The following SZT2 variants were observed in gnomAD, a reference collection of about 807,000 sequenced individuals.
The protein encoded by SZT2 is SZT2 subunit of KICSTOR complex.
In SZT2, 216 loss-of-function variants were observed where a neutral mutation model predicts 404.2. The observed-to-expected ratio is 0.53, with a 90% CI of 0.48 to 0.60. The LOEUF (loss-of-function observed/expected upper bound fraction) is 0.60. SZT2 is among the 20% of genes least tolerant of loss of function. The pLI, the probability that SZT2 is intolerant of heterozygous loss-of-function variation, is 0.00. For missense variants in SZT2, 3,857 were observed against 4,459.2 expected, an observed-to-expected ratio of 0.86 and a Z score of 3.85; for synonymous variants, 1,693 against 1,749.9, an observed-to-expected ratio of 0.97 and a Z score of 0.81.
In SZT2 at chr1:43,447,955, G is replaced by A. The variant is rs772006871; in HGVS notation, c.9547G>A (p.Glu3183Lys). 3.1e-6 allele frequency: 5 copies of A among 1,613,984 alleles called. No individual in the cohort carries two copies. Among genetic ancestry groups the A allele is most frequent in the South Asian group, 1.1e-5 (1 of 91,068 alleles). The change falls in exon 68 of 72, where the codon GAG becomes AAG. Residue 3183 changes from glutamate (E) to lysine (K), a missense_variant. Physicochemically the swap from Glu to Lys is moderately conservative, Grantham distance 56. Around this residue, in one of 7 missense-constraint regions of SZT2, gnomAD observed 717 missense variants for 868.2 expected, o/e 0.83. Transcript: ENST00000634258. ...AAPFEEQGEA[E>K]RHVLRLQFFV... ...ACCCTTTGAGGAGCAAGGAGAGGCT[G>A]AGCGGCACGTTCTGCGGTCAGCAGA...
chr1:43,434,263 C>G, intron 40 of SZT2, 123 bp from the exon 41 acceptor site: 2 of 803,714 alleles, frequency 2.5e-6, no homozygotes, highest in Non-Finnish European at 3.8e-6. Flanking sequence ...CTCTTGGCCC[C>G]ACCTCCATGA....
In SZT2 at chr1:43,451,133, C is replaced by G; in HGVS notation, c.*653C>G. The G allele has an allele frequency of 9.2e-7, 1 of 1,089,318 alleles. No individual in the cohort carries two copies. The highest frequency in any genetic ancestry group is 1.4e-6 in the Non-Finnish European group (1 of 705,558). 67.5% of individuals were successfully genotyped at this position (1,089,318 alleles called of 1,614,324 possible). A position where few individuals can be genotyped will look rare whatever the true frequency, so the allele number is the denominator to read the frequency against. On this transcript the variant is annotated 3_prime_UTR_variant, in exon 72 of 72. Transcript: ENST00000634258. ...TGTTAGACACTATGTGTCCCACCAC[C>G]CCATTACAGAGACATATGACAATGT...
In SZT2 at chr1:43,450,239, G is replaced by T; in HGVS notation, c.10155+68G>T. 6.2e-7 allele frequency: 1 copy of T among 1,613,544 alleles called. No individual in the cohort carries two copies. Among genetic ancestry groups the T allele is most frequent in the Non-Finnish European group, 8.5e-7 (1 of 1,179,480 alleles). On this transcript the variant is annotated intron_variant, in intron 71 of 71. Coordinates refer to ENST00000634258, the MANE Select transcript of SZT2 (RefSeq NM_001365999.1). This position sits in a 1 kb window ranked among gnomAD's most constrained non-coding sequence, Gnocchi z 4.3. ...CGTACCCCAAATGCTCCACCTCGGA[G>T]CCTGCTGAGGTTGGGGTGCCCACCC...
In SZT2 at chr1:43,390,685, G is replaced by A. The variant is rs1172535479; in HGVS notation, c.27+690G>A. Among the ~76,000 whole-genome samples the A allele has an allele frequency of 2.6e-5, 4 of 152,228 alleles. No individual in the cohort carries two copies. In the South Asian group the frequency reaches 8.3e-4, roughly 31 times the overall value. The stretch of plus-strand genomic sequence containing the variant: ...CATTCAGACTTGTGCAAGGAAGGTG[G>A]CATTCTCACAGAGGAGAAAACTGAA... On this transcript the variant is annotated intron_variant, in intron 1 of 71. Transcript: ENST00000634258.
Position 43,424,106 on chromosome 1 carries a change from C to T in SZT2, c.2256-111C>T. 3.4e-6 allele frequency: 3 copies of T among 879,992 alleles called. No individual in the cohort carries two copies. The highest frequency in any genetic ancestry group is 1.6e-5 in the South Asian group (1 of 61,942). The allele number at this position is 879,992 out of a possible 1,614,324, so 54.5% of individuals were successfully genotyped here. ...GTGGCTTAGCCGGGTATCAGTGGTACAGAGGTGTGGAAGGGCGTGGCTTAG... is the reference window on the plus strand; with the variant it reads ...GTGGCTTAGCCGGGTATCAGTGGTATAGAGGTGTGGAAGGGCGTGGCTTAG... On this transcript the variant is annotated intron_variant, in intron 15 of 71. Transcript: ENST00000634258. This position sits in a 1 kb window ranked among gnomAD's most constrained non-coding sequence, Gnocchi z 4.1.
chr1:43,399,383 T>C (rs1445230684), intron 1 of SZT2, among the ~76,000 whole-genome samples: 1 of 151,990 alleles, frequency 6.6e-6, no homozygotes, highest in African/African-American at 2.4e-5. Context: ...TTTGAGTAGC[T>C]CTAGTCTAAG....
Position 43,427,516 on chromosome 1 carries a change from C to T in SZT2, c.3599-14C>T. On this transcript the variant is annotated splice_polypyrimidine_tract_variant and intron_variant, in intron 25 of 71. Transcript: ENST00000634258. ...GATAGAGCTGGAAGACCACGTGACA[C>T]CTTTTCTTCACAGACAATGCCCAGA... The T allele has an allele frequency of 6.2e-7, 1 of 1,614,156 alleles. No individual in the cohort carries two copies. The highest frequency in any genetic ancestry group is 8.5e-7 in the Non-Finnish European group (1 of 1,179,962).
chr1:43,435,415 A>C, intron 42 of SZT2, 86 bp downstream of exon 42: 1 of 1,474,330 alleles, frequency 6.8e-7, no homozygotes, highest in South Asian at 1.2e-5. Flanking sequence ...CTGAGGGCAG[A>C]GTCCTCATTA....
intron 3 of SZT2, 60 bp downstream of exon 3, chr1:43,403,834 G>T (rs1405118601): frequency 1.3e-6 from 2 of 1,574,496 alleles, no homozygotes; most frequent in African/African-American, 2.7e-5. Flanking sequence ...AGGAGAGGGA[G>T]AGGCCTGTGG....
At position 43,452,868 on chromosome 1, in the gene SZT2, C is replaced by T; in HGVS notation, c.*2388C>T. ...TTAGCCACATCCAGCTCCAAGCAGA[C>T]ATTCCAGGCCTCCCCATCCCAACAG... On this transcript the variant is annotated 3_prime_UTR_variant, in exon 72 of 72. Transcript: ENST00000634258. 1 of 1,569,866 alleles carries T rather than the reference C, an allele frequency of 6.4e-7. No homozygotes were observed. The highest frequency in any genetic ancestry group is 8.6e-7 in the Non-Finnish European group (1 of 1,158,180).
Position 43,451,899 on chromosome 1 carries a change from A to C in SZT2, c.*1419A>C. The C allele has an allele frequency of 6.2e-7, 1 of 1,613,756 alleles. No individual in the cohort carries two copies. Among genetic ancestry groups the C allele is most frequent in the Non-Finnish European group, 8.5e-7 (1 of 1,179,718 alleles). ...GTGAGCCTCAAGAGCACAGGAATCAAAAGGGACAGAAGGAGAGACAGGGCT... is the reference window on the plus strand; with the variant it reads ...GTGAGCCTCAAGAGCACAGGAATCACAAGGGACAGAAGGAGAGACAGGGCT... On this transcript the variant is annotated 3_prime_UTR_variant, in exon 72 of 72. Transcript: ENST00000634258.
rs72883822 is a variant in SZT2 at position 43,436,929 on chromosome 1, T to G, written c.6035-242T>G. ...GCTTTGCCTGCCTTGATACCTCTCA[T>G]TAGCTCCTTCTCTAAGTCTCCTTGA... On this transcript the variant is annotated intron_variant, in intron 42 of 71. Transcript: ENST00000634258. 1,553 of 554,864 alleles carry G rather than the reference T, an allele frequency of 2.8e-3. 17 individuals are homozygous for G. Among genetic ancestry groups the G allele is most frequent in the African/African-American group, 0.026 (1,385 of 53,338 alleles). 34.4% of individuals were successfully genotyped at this position (554,864 alleles called of 1,614,324 possible). A position where few individuals can be genotyped will look rare whatever the true frequency, so the allele number is the denominator to read the frequency against.
rs2153932941 is a variant in SZT2, at chr1:43,424,629, G to C, written c.2472-155G>C. ...GTCCTCTCTCATCCTCACTGGATTT[G>C]TTATACCCTGAGGGACCGCCAGTCT... On this transcript the variant is annotated intron_variant, in intron 16 of 71. Coordinates refer to ENST00000634258, the MANE Select transcript of SZT2 (RefSeq NM_001365999.1). The surrounding 1 kb of genome is among the most constrained non-coding windows in gnomAD (Gnocchi z 4.1). Among the ~76,000 whole-genome samples, 1 of 152,260 alleles carries C rather than the reference G, an allele frequency of 6.6e-6. No individual in the cohort carries two copies. The highest frequency in any genetic ancestry group is 3.4e-3 in the Middle Eastern group (1 of 294).
chr1:43,444,414 T>C (rs890482478), intron 62 of SZT2, among the ~76,000 whole-genome samples: 1 of 152,152 alleles, frequency 6.6e-6, no homozygotes, highest in Non-Finnish European at 1.5e-5. Context: ...GTGAATCTTG[T>C]ACATGCTCCT....
Position 43,442,496 on chromosome 1 carries a change from G to A in SZT2, c.8029G>A (p.Ala2677Thr), listed in dbSNP as rs751077329. The A allele has an allele frequency of 3.7e-6, 6 of 1,614,188 alleles. No individual in the cohort carries two copies. The East Asian group carries it at 1.3e-4, about 36-fold the overall frequency. ...APDLGAALGR[A>T]LVRLVQWQNA... ...AGACCTGGGGGCAGCATTGGGCCGA[G>A]CGCTGGTTCGCCTGGTGCAGTGGCA... The change falls in exon 58 of 72, where the codon GCG becomes ACG. Residue 2677 changes from alanine (A) to threonine (T), a missense_variant. Ala to Thr is a moderately conservative substitution (Grantham distance 58, BLOSUM62 0). Around this residue, in one of 7 missense-constraint regions of SZT2, gnomAD observed 573 missense variants for 592.4 expected, o/e 0.97. Coordinates refer to ENST00000634258, the MANE Select transcript of SZT2 (RefSeq NM_001365999.1). The surrounding 1 kb of genome is among the most constrained non-coding windows in gnomAD (Gnocchi z 4.5).
At chr1:43,438,152 C>G (rs1570698969) in intron 46 of SZT2, 2 of 471,866 alleles carry the variant, frequency 4.2e-6, no homozygotes, top group East Asian at 8.2e-5. Flanking sequence ...TTTCCTCAAG[C>G]AGGAGCTGCA....
At position 43,431,319 on chromosome 1, in the gene SZT2, T is replaced by A. The variant is rs943490013; in HGVS notation, c.4971T>A (p.Ser1657=). Residue 1657 remains serine (S), a synonymous_variant, in exon 34 of 72, where the codon TCT becomes TCA. Transcript: ENST00000634258. ...SFPRSPGQPS[S]LRSDDGLGPP... Reference sequence around the variant, plus strand: ...CACGATCCCCAGGGCAGCCATCATCTTTAAGGTCAGATGATGGCCTCGGGC... The same window carrying A: ...CACGATCCCCAGGGCAGCCATCATCATTAAGGTCAGATGATGGCCTCGGGC... The A allele has an allele frequency of 6.2e-7, 1 of 1,613,584 alleles. No homozygotes were observed. Among genetic ancestry groups the A allele is most frequent in the Non-Finnish European group, 8.5e-7 (1 of 1,179,778 alleles).
At chr1:43,416,709 C>T in intron 7 of SZT2, 68 bp downstream of exon 7, 1 of 1,244,802 alleles carries the variant, frequency 8.0e-7, no homozygotes, top group South Asian at 1.3e-5. Context: ...TGGCTGATTA[C>T]TTTCTTACAG....
At position 43,450,920 on chromosome 1, in the gene SZT2, C is replaced by T. The variant is rs1248957548; in HGVS notation, c.*440C>T. 1 of 749,916 alleles carries T rather than the reference C, an allele frequency of 1.3e-6. No homozygotes were observed. The highest frequency in any genetic ancestry group is 2.4e-6 in the Non-Finnish European group (1 of 408,774). 46.5% of individuals were successfully genotyped at this position (749,916 alleles called of 1,614,324 possible). A position where few individuals can be genotyped will look rare whatever the true frequency, so the allele number is the denominator to read the frequency against. ...CTTGGACATCACTGCTGGACATTCC[C>T]ATCGAGATGACACCTGGGTTCCAAT... On this transcript the variant is annotated 3_prime_UTR_variant, in exon 72 of 72. Coordinates refer to ENST00000634258, the MANE Select transcript of SZT2 (RefSeq NM_001365999.1). This position sits in a 1 kb window ranked among gnomAD's most constrained non-coding sequence, Gnocchi z 4.3.
Sources: gnomAD v4.1 joint callset for allele counts (sites outside exome capture counted in the v4.1 genomes callset) on GRCh38, gnomAD v4.1.1 for gene constraint, gnomAD v4.1.1 regional missense constraint, Gnocchi (gnomAD v3.1) non-coding constraint, MANE v1.5 for transcripts, NCBI Gene and HGNC (gene_info 2026-07-23, HGNC 2026-07-21) for gene names.